CYP27A1: variants seen among roughly 807,000 people sequenced by gnomAD.
CYP27A1 encodes the protein sterol 26-hydroxylase, mitochondrial.
Under a neutral mutation model 58.2 loss-of-function variants are expected in CYP27A1, and 46 were observed. That is an observed-to-expected ratio of 0.79 (90% CI 0.62 to 1.01). The LOEUF (loss-of-function observed/expected upper bound fraction) is 1.01. Ranked by LOEUF, CYP27A1 falls within the 50% of genes least tolerant of loss-of-function variation. The pLI, the probability that CYP27A1 is intolerant of heterozygous loss-of-function variation, is 0.00. For synonymous variants in CYP27A1, 274 were observed against 285.1 expected (o/e 0.96, Z 0.39); for missense variants, 704 against 687.0 (o/e 1.02, Z -0.28).
intron 1 of CYP27A1, among the ~76,000 whole-genome samples, chr2:218,807,702 T>C (rs1486417391): frequency 1.3e-5 from 2 of 151,872 alleles, no homozygotes; most frequent in Non-Finnish European, 2.9e-5. Flanking sequence ...AATGCAGCTT[T>C]GACTTCAAGC....
At chr2:218,783,151 G>A (rs1943410264) in intron 1 of CYP27A1, among the ~76,000 whole-genome samples, 1 of 151,306 alleles carries the variant, frequency 6.6e-6, no homozygotes, top group Non-Finnish European at 1.5e-5. Flanking sequence ...CAGCTACTAG[G>A]GAGGCTGAGG....
Position 218,812,690 on chromosome 2 carries a change from G to A in CYP27A1, c.785G>A (p.Arg262His), listed in dbSNP as rs757682669. ...GCCACCTTCCTCCCCAAGTGGACTC[G>A]CCCCGTGCTGCCTTTCTGGAAGCGA... is the stretch of plus-strand genomic sequence containing the variant. Reference protein sequence around the residue: ...LYATFLPKWTRPVLPFWKRYL... With the variant: ...LYATFLPKWTHPVLPFWKRYL... Residue 262 changes from arginine (R) to histidine (H), a missense_variant, in exon 4 of 9, where the codon CGC becomes CAC. By Grantham distance (29) the Arg-to-His change is conservative (BLOSUM62 0). Coordinates refer to ENST00000258415, the MANE Select transcript of CYP27A1 (RefSeq NM_000784.4). 50 of 1,614,040 alleles carry A rather than the reference G, an allele frequency of 3.1e-5. No individual in the cohort carries two copies. The South Asian group carries it at 3.3e-4, about 11-fold the overall frequency.
At position 218,812,292 on chromosome 2, in the gene CYP27A1, C is replaced by T. The variant is rs375485705; in HGVS notation, c.517C>T (p.Leu173Phe). 1.2e-5 allele frequency: 20 copies of T among 1,614,068 alleles called. No homozygotes were observed. The highest frequency in any genetic ancestry group is 1.6e-5 in the Non-Finnish European group (19 of 1,179,994). ...QRLLKPAEAALYTDAFNEVID... is the reference protein window; with the variant it reads ...QRLLKPAEAAFYTDAFNEVID... The stretch of plus-strand genomic sequence containing the variant: ...GTTGCTGAAGCCAGCGGAAGCAGCG[C>T]TCTATACGGATGCTTTCAATGAGGT... Residue 173 changes from leucine (L) to phenylalanine (F), a missense_variant, in exon 3 of 9, where the codon CTC (leucine) becomes TTC (phenylalanine). Leu to Phe is a conservative substitution (Grantham distance 22). Transcript: ENST00000258415.
intron 2 of CYP27A1, among the ~76,000 whole-genome samples, chr2:218,810,714 G>A (rs1943703881): frequency 6.6e-6 from 1 of 152,156 alleles, no homozygotes; most frequent in African/African-American, 2.4e-5. Flanking sequence ...ACAACGTGAA[G>A]TCCCAACAAA....
intron 1 of CYP27A1, among the ~76,000 whole-genome samples, chr2:218,800,091 A>C (rs1943584770): frequency 6.6e-6 from 1 of 152,140 alleles, no homozygotes; most frequent in South Asian, 2.1e-4. Flanking sequence ...ACCGCAGCCA[A>C]GGGGTTTTAT....
chr2:218,802,227 A>G (rs147939488), intron 1 of CYP27A1, among the ~76,000 whole-genome samples: 2 of 151,782 alleles, frequency 1.3e-5, no homozygotes, highest in African/African-American at 4.8e-5. Flanking sequence ...ACGGATAAGA[A>G]CCCCTTCCCC....
At position 218,814,361 on chromosome 2, in the gene CYP27A1, G is replaced by A. The variant is rs540682832; in HGVS notation, c.1185-19G>A. The A allele has an allele frequency of 6.2e-7, 1 of 1,613,204 alleles. No homozygotes were observed. Among genetic ancestry groups the A allele is most frequent in the East Asian group, 2.2e-5 (1 of 44,882 alleles). ...CCCCATGAATCCAGAGCAGACTCCAGACATTCTTTTCCCTGCAGTCTCTAC... is the reference window on the plus strand; with the variant it reads ...CCCCATGAATCCAGAGCAGACTCCAAACATTCTTTTCCCTGCAGTCTCTAC... On this transcript the variant is annotated intron_variant, in intron 6 of 8. Coordinates refer to ENST00000258415, the MANE Select transcript of CYP27A1 (RefSeq NM_000784.4).
rs1259374796 is a variant in CYP27A1, at chr2:218,782,449, G to A, written c.255+12G>A. 1 of 1,614,118 alleles carries A rather than the reference G, an allele frequency of 6.2e-7. No individual in the cohort carries two copies. The highest frequency in any genetic ancestry group is 8.5e-7 in the Non-Finnish European group (1 of 1,180,006). ...TGCACCAGTTACAGGTAACCCGCGG[G>A]GGCATCGCGTCCTGGGGATGGGAGT... On this transcript the variant is annotated intron_variant, in intron 1 of 8. Coordinates refer to ENST00000258415, the MANE Select transcript of CYP27A1 (RefSeq NM_000784.4). The surrounding 1 kb of genome is among the most constrained non-coding windows in gnomAD (Gnocchi z 4.1).
chr2:218,787,426 AGCATGG>A (rs1217119233), intron 1 of CYP27A1, among the ~76,000 whole-genome samples: 1 of 152,244 alleles, frequency 6.6e-6, no homozygotes, highest in Non-Finnish European at 1.5e-5. Context: ...CATCACATTC[AGCATGG>A]GCAGATTACT....
chr2:218,803,876 G>A (rs921451825), intron 1 of CYP27A1, among the ~76,000 whole-genome samples: 2 of 151,646 alleles, frequency 1.3e-5, no homozygotes, highest in African/African-American at 4.9e-5. Flanking sequence ...GGGACTACAA[G>A]CATGCGCCAC....
chr2:218,805,201 T>C (rs1201460372), intron 1 of CYP27A1, among the ~76,000 whole-genome samples: 1 of 152,238 alleles, frequency 6.6e-6, no homozygotes, highest in Non-Finnish European at 1.5e-5. Flanking sequence ...CCTTTCAGAT[T>C]GTTCTTCCAG....
At chr2:218,811,222 T>G (rs1485179492) in intron 2 of CYP27A1, among the ~76,000 whole-genome samples, 2 of 152,222 alleles carry the variant, frequency 1.3e-5, no homozygotes, top group African/African-American at 4.8e-5. Flanking sequence ...TAATAAAATA[T>G]GAAGTCTCTT....
chr2:218,792,519 A>G (rs571940225), intron 1 of CYP27A1, among the ~76,000 whole-genome samples: 1 of 152,328 alleles, frequency 6.6e-6, no homozygotes, highest in South Asian at 2.1e-4. Context: ...CTTTTAAAAT[A>G]ATTCAAGAGT....
rs73990973 is a variant in CYP27A1 at position 218,794,443 on chromosome 2, C to A, written c.255+12006C>A. On this transcript the variant is annotated intron_variant, in intron 1 of 8. Transcript: ENST00000258415. ...TGCATGACCATTTGGAGTTTGATGG[C>A]CTGAAGGTGAGAAGAGACAAACCAG... Among the ~76,000 whole-genome samples, 1,178 of 152,216 alleles carry A rather than the reference C, an allele frequency of 7.7e-3. 18 individuals carry two copies. The highest frequency in any genetic ancestry group is 0.027 in the African/African-American group (1,107 of 41,512).
intron 1 of CYP27A1, among the ~76,000 whole-genome samples, chr2:218,788,461 A>G (rs1407579181): frequency 6.6e-6 from 1 of 152,224 alleles, no homozygotes; most frequent in Non-Finnish European, 1.5e-5. Flanking sequence ...TCCTGGAGAC[A>G]TGGACTTCAC....
At chr2:218,798,039 G>A (rs1387464035) in intron 1 of CYP27A1, among the ~76,000 whole-genome samples, 2 of 151,994 alleles carry the variant, frequency 1.3e-5, no homozygotes, top group Non-Finnish European at 2.9e-5. Flanking sequence ...GTCTCGCCCT[G>A]TCACCCAGGC....
intron 1 of CYP27A1, among the ~76,000 whole-genome samples, chr2:218,799,260 G>A (rs1230357829): frequency 2.0e-5 from 3 of 151,744 alleles, no homozygotes; most frequent in Non-Finnish European, 2.9e-5. Flanking sequence ...TCTAGACGCC[G>A]CGGTGAAGCC....
In CYP27A1 at chr2:218,786,008, G is replaced by A. The variant is rs921798087; in HGVS notation, c.255+3571G>A. 3.9e-5 allele frequency among the ~76,000 whole-genome samples: 6 copies of A among 152,274 alleles called. No homozygotes were observed. The East Asian group carries it at 5.8e-4, about 15-fold the overall frequency. ...GTCATCAAAGCTGCAGCTTTGGCTG[G>A]GTGTGATGGCACAAACTTACAGTCC... On this transcript the variant is annotated intron_variant, in intron 1 of 8. Transcript: ENST00000258415.
chr2:218,792,796 T>C (rs1263346871), intron 1 of CYP27A1, among the ~76,000 whole-genome samples: 3 of 152,310 alleles, frequency 2.0e-5, no homozygotes, highest in South Asian at 4.1e-4. Flanking sequence ...AAATGTAACC[T>C]GAGGAAGGTT....
Sources: allele counts gnomAD v4.1 joint callset (sites outside exome capture counted in the v4.1 genomes callset), GRCh38; gene constraint gnomAD v4.1.1; non-coding constraint Gnocchi (gnomAD v3.1); transcripts MANE v1.5; gene names NCBI Gene and HGNC (gene_info 2026-07-23, HGNC 2026-07-21).